Variants in DOCK4 observed in about 807,000 individuals in gnomAD.
DOCK4 encodes the protein dedicator of cytokinesis 4, also known as dedicator of cytokinesis protein 4.
DOCK4 carries 97 observed loss-of-function variants against 268.1 expected under a neutral mutation model. The ratio of observed to expected loss-of-function variants is 0.36; its 90% CI spans 0.31 to 0.43. The LOEUF is 0.43. Ranked by LOEUF, DOCK4 falls within the 20% of genes least tolerant of loss-of-function variation. The probability of loss-of-function intolerance (pLI) is 1.00; values close to 1 mark genes in which losing one functional copy is unlikely to be tolerated. For synonymous variants in DOCK4, 954 were observed against 887.2 expected (o/e 1.08, Z -1.34); for missense variants, 2,145 against 2,455.7 (o/e 0.87, Z 2.67).
intron 1 of DOCK4, among the ~76,000 whole-genome samples, chr7:112,194,356 T>C (rs766966573): frequency 4.1e-4 from 63 of 152,302 alleles, no homozygotes; most frequent in Non-Finnish European, 7.8e-4. Flanking sequence ...GGTGAATTCA[T>C]CTGAAGCTGT....
chr7:112,036,320 T>C (rs779010189), intron 1 of DOCK4, among the ~76,000 whole-genome samples: 5 of 152,108 alleles, frequency 3.3e-5, no homozygotes, highest in African/African-American at 4.8e-5. Flanking sequence ...AAAGGATTAA[T>C]GGTGAGCACA....
chr7:111,769,399 T>C, intron 37 of DOCK4, 130 bp downstream of exon 37: 2 of 1,158,438 alleles, frequency 1.7e-6, no homozygotes, highest in South Asian at 3.2e-5. Context: ...CTTTTGGGTG[T>C]TTCTAATATA....
intron 17 of DOCK4, among the ~76,000 whole-genome samples, chr7:111,875,224 C>A (rs1166530012): frequency 6.6e-6 from 1 of 152,184 alleles, no homozygotes; most frequent in Non-Finnish European, 1.5e-5. Context: ...ATCCCACTTT[C>A]CACATAGTGA....
intron 1 of DOCK4, among the ~76,000 whole-genome samples, chr7:112,027,981 C>A (rs934611869): frequency 4.6e-5 from 7 of 152,120 alleles, no homozygotes; most frequent in African/African-American, 9.7e-5. Context: ...GAGTACAGGG[C>A]AGTACATAGA....
At chr7:112,019,712 T>C (rs1005124021) in intron 1 of DOCK4, among the ~76,000 whole-genome samples, 1 of 152,188 alleles carries the variant, frequency 6.6e-6, no homozygotes, top group Non-Finnish European at 1.5e-5. Context: ...CTAAAGGAAA[T>C]ACAATTTAAA....
intron 23 of DOCK4, among the ~76,000 whole-genome samples, chr7:111,852,255 T>C (rs757837064): frequency 2.0e-4 from 31 of 152,140 alleles, no homozygotes; most frequent in Non-Finnish European, 1.9e-4. Flanking sequence ...TGAGCCACCA[T>C]ACTCAGCCGG....
chr7:112,165,975 C>A (rs1817581410), intron 1 of DOCK4, among the ~76,000 whole-genome samples: 1 of 152,154 alleles, frequency 6.6e-6, no homozygotes, highest in Non-Finnish European at 1.5e-5. Flanking sequence ...ACAAGCACCA[C>A]TGCTGTTACT....
intron 11 of DOCK4, among the ~76,000 whole-genome samples, chr7:111,935,971 T>A (rs1794709539): frequency 2.0e-5 from 3 of 152,200 alleles, no homozygotes; most frequent in Admixed American, 1.3e-4. Context: ...ATTCTCACTA[T>A]TAACCAAGCT....
intron 13 of DOCK4, among the ~76,000 whole-genome samples, chr7:111,902,235 G>A (rs981217282): frequency 6.6e-6 from 1 of 152,142 alleles, no homozygotes; most frequent in African/African-American, 2.4e-5. Flanking sequence ...ACTGTAAAGG[G>A]TACAATTACA....
At chr7:112,060,088 A>C (rs987944715) in intron 1 of DOCK4, among the ~76,000 whole-genome samples, 1 of 152,230 alleles carries the variant, frequency 6.6e-6, no homozygotes, top group Admixed American at 6.5e-5. Context: ...CTTTATACTT[A>C]GGGCTGCCAG....
chr7:112,178,054 T>C (rs747914777), intron 1 of DOCK4, among the ~76,000 whole-genome samples: 2 of 152,222 alleles, frequency 1.3e-5, no homozygotes, highest in Non-Finnish European at 2.9e-5. Context: ...AGCATCCAGA[T>C]GTGGAAGAAT....
intron 4 of DOCK4, among the ~76,000 whole-genome samples, chr7:111,995,413 TTGTGTGTGTGTGTGTGTGTGTG>T (rs71529492): frequency 2.6e-5 from 3 of 116,908 alleles, no homozygotes; most frequent in Admixed American, 1.0e-4. Flanking sequence ...AATTCTTTCT[TTGTGTGTGTGTGTGTGTGTGTG>T]TGTGTGTGTG....
intron 27 of DOCK4, among the ~76,000 whole-genome samples, chr7:111,817,471 A>G (rs1801643780): frequency 6.6e-6 from 1 of 152,162 alleles, no homozygotes; most frequent in African/African-American, 2.4e-5. Flanking sequence ...CACTAGATCA[A>G]TGCTGCTCTA....
intron 37 of DOCK4, 77 bp from the exon 38 acceptor site, chr7:111,767,195 T>C (rs1797815398): frequency 8.5e-7 from 1 of 1,174,300 alleles, no homozygotes; most frequent in Non-Finnish European, 1.3e-6. Context: ...AGAACATGAG[T>C]GCTTTCAGAG....
intron 7 of DOCK4, among the ~76,000 whole-genome samples, chr7:111,983,856 G>GCACACACACACACACACACACACACACA (rs1454832356): frequency 5.4e-5 from 5 of 92,096 alleles, no homozygotes; most frequent in African/African-American, 1.8e-4. Flanking sequence ...GCGCGCGCGC[G>GCACACACACACACACACACACACACACA]CGCGCGCACA....
At position 112,072,053 on chromosome 7, in the gene DOCK4, C is replaced by T. The variant is rs138852482; in HGVS notation, c.38-67922G>A. Among the ~76,000 whole-genome samples the T allele has an allele frequency of 9.2e-3, 1,401 of 152,298 alleles. 9 individuals carry two copies. Among genetic ancestry groups the T allele is most frequent in the South Asian group, 0.023 (111 of 4,830 alleles). ...TGAAAATTATTTTCTGAGTCATAAC[C>T]TGTTTGAACACCATAGCTATTGGGA... is the stretch of plus-strand genomic sequence containing the variant. On this transcript the variant is annotated intron_variant, in intron 1 of 52. Coordinates refer to ENST00000428084, the MANE Select transcript of DOCK4 (RefSeq NM_001363540.2).
intron 41 of DOCK4, among the ~76,000 whole-genome samples, chr7:111,758,106 A>C (rs1797156313): frequency 6.6e-6 from 1 of 152,190 alleles, no homozygotes; most frequent in Admixed American, 6.5e-5. Context: ...AGTTCTAATT[A>C]CACACTGTTC....
chr7:112,048,389 C>CAAAAAAAAAAAAA (rs59810546), intron 1 of DOCK4, among the ~76,000 whole-genome samples: 6 of 72,100 alleles, frequency 8.3e-5, no homozygotes, highest in African/African-American at 1.1e-4. Context: ...ACTAAAAATA[C>CAAAAAAAAAAAAA]AAAAAAAAAA....
At chr7:112,011,506 A>G (rs1801302211) in intron 1 of DOCK4, among the ~76,000 whole-genome samples, 2 of 152,160 alleles carry the variant, frequency 1.3e-5, no homozygotes, top group African/African-American at 4.8e-5. Context: ...CTTCTATGAC[A>G]CAGACATTTC....
Sources: allele counts gnomAD v4.1 joint callset (sites outside exome capture counted in the v4.1 genomes callset), GRCh38; gene constraint gnomAD v4.1.1; transcripts MANE v1.5; gene names NCBI Gene and HGNC (gene_info 2026-07-23, HGNC 2026-07-21).